The following UTP4 variants were observed in gnomAD, a reference collection of about 807,000 sequenced individuals.
UTP4 encodes U3 small nucleolar RNA-associated protein 4 homolog.
In UTP4, 45 loss-of-function variants were observed where a neutral mutation model predicts 82.4. The observed-to-expected ratio is 0.55, with a 90% CI of 0.43 to 0.70. The LOEUF (loss-of-function observed/expected upper bound fraction) is 0.70. Among genes scored for constraint, UTP4 ranks in the 30% least tolerant of loss-of-function variants. The pLI is 0.00. For missense variants in UTP4, 819 were observed against 858.3 expected (o/e 0.95, Z 0.57); for synonymous variants, 348 against 300.3 (o/e 1.16, Z -1.64).
intron 6 of UTP4, among the ~76,000 whole-genome samples, chr16:69,150,127 T>C (rs942532961): frequency 2.6e-5 from 4 of 152,228 alleles, no homozygotes; most frequent in Non-Finnish European, 5.9e-5. Flanking sequence ...TTTAATACAT[T>C]TCTTTAGTGA....
At chr16:69,165,737 G>C (rs942726179) in intron 15 of UTP4, 11 of 642,674 alleles carry the variant, frequency 1.7e-5, no homozygotes, top group Non-Finnish European at 2.2e-5. Context: ...GGCTCTCGGG[G>C]AAGGGGCTGG....
At chr16:69,167,388 T>C in intron 16 of UTP4, 1 of 579,910 alleles carries the variant, frequency 1.7e-6, no homozygotes, top group South Asian at 2.0e-5. Context: ...GGCAGGCACA[T>C]CATACTTAAC....
In UTP4 at chr16:69,147,023, C is replaced by A. The variant is rs866210564; in HGVS notation, c.739-3514C>A. On this transcript the variant is annotated intron_variant, in intron 6 of 16. Coordinates refer to ENST00000314423, the MANE Select transcript of UTP4 (RefSeq NM_032830.3). Reference sequence around the variant, plus strand: ...CCTCAAAAAAAAAAAAAAAAAAATACAAAAATTAGCCTGCATGGTGCTGCG... The same window carrying A: ...CCTCAAAAAAAAAAAAAAAAAAATAAAAAAATTAGCCTGCATGGTGCTGCG... Among the ~76,000 whole-genome samples, 534 of 117,656 alleles carry A rather than the reference C, an allele frequency of 4.5e-3. 8 individuals are homozygous for A. Among genetic ancestry groups the A allele is most frequent in the Non-Finnish European group, 7.3e-3 (396 of 54,596 alleles). The allele number at this position is 117,656 out of a possible 152,430, so 77.2% of individuals were successfully genotyped here. A position where few individuals can be genotyped will look rare whatever the true frequency, so the allele number is the denominator to read the frequency against.
intron 4 of UTP4, among the ~76,000 whole-genome samples, chr16:69,138,329 C>G (rs1355853543): frequency 6.6e-6 from 1 of 151,746 alleles, no homozygotes; most frequent in Non-Finnish European, 1.5e-5. Flanking sequence ...TCTCCGCCTC[C>G]CGGCTTCAAG....
chr16:69,167,059 G>C lies in UTP4; in HGVS notation c.1834-16G>C, dbSNP rs1222540927. On this transcript the variant is annotated splice_polypyrimidine_tract_variant and intron_variant, in intron 15 of 16. Transcript: ENST00000314423. ...ATAAAAGTAACCATTTAAACAATGT[G>C]TCTTTGTTTTTTTAGCCCCTTCCAA... is the stretch of plus-strand genomic sequence containing the variant. 2 of 1,549,216 alleles carry C rather than the reference G, an allele frequency of 1.3e-6. No individual in the cohort carries two copies. Among genetic ancestry groups the C allele is most frequent in the African/African-American group, 1.4e-5 (1 of 73,594 alleles).
At chr16:69,135,531 A>G (rs1280586740) in intron 2 of UTP4, among the ~76,000 whole-genome samples, 1 of 152,088 alleles carries the variant, frequency 6.6e-6, no homozygotes, top group Non-Finnish European at 1.5e-5. Context: ...TGGGCAACAT[A>G]GTGAGACCCC....
chr16:69,132,742 C>T (rs1009624378), intron 1 of UTP4, 53 bp downstream of exon 1: 2 of 245,354 alleles, frequency 8.2e-6, no homozygotes, highest in South Asian at 6.5e-5. Flanking sequence ...GGGGGTCTTA[C>T]AAGGTGGCCG....
chr16:69,139,839 C>G lies in UTP4; in HGVS notation c.451C>G (p.Leu151Val), dbSNP rs779087750. The G allele has an allele frequency of 6.2e-7, 1 of 1,613,612 alleles. No individual in the cohort carries two copies. Among genetic ancestry groups the G allele is most frequent in the Non-Finnish European group, 8.5e-7 (1 of 1,179,588 alleles). ...CAACTCCCAAGGTCGCATCCTGAGT[C>G]TCAGCTGGCATCCCTCTGGTACCCA... Reference protein sequence around the residue: ...FDRQKSRILSLSWHPSGTHIA... With the variant: ...FDRQKSRILSVSWHPSGTHIA... The change falls in exon 5 of 17, where the codon CTC (leucine) becomes GTC (valine). Residue 151 changes from leucine to valine, a missense_variant. Transcript: ENST00000314423.
Position 69,165,753 on chromosome 16 carries a change from G to C in UTP4, c.1833+227G>C. The C allele has an allele frequency of 4.9e-6, 3 of 614,532 alleles. No individual in the cohort carries two copies. In the South Asian group the frequency reaches 5.8e-5, roughly 12 times the overall value. 38.1% of individuals were successfully genotyped at this position (614,532 alleles called of 1,614,324 possible). On this transcript the variant is annotated intron_variant, in intron 15 of 16. Transcript: ENST00000314423. ...GCTCTCGGGGAAGGGGCTGGCCTTT[G>C]TATACTGGCTTTTGCTGATTTGACT...
chr16:69,144,231 T>C (rs1455625328), intron 6 of UTP4, among the ~76,000 whole-genome samples: 1 of 145,258 alleles, frequency 6.9e-6, no homozygotes, highest in Non-Finnish European at 1.5e-5. Flanking sequence ...AGACGGAGTC[T>C]AGCTCTGTCA....
rs761430427 is a variant in UTP4 at position 69,155,932 on chromosome 16, C to T, written c.1226C>T (p.Thr409Ile). ...TGTGGAAGTTGGATAGCCTATTCTACAGTTTCTCGGTTTTTTCTCTATCGG... is the reference window on the plus strand; with the variant it reads ...TGTGGAAGTTGGATAGCCTATTCTATAGTTTCTCGGTTTTTTCTCTATCGG... Reference protein sequence around the residue: ...SPCGSWIAYSTVSRFFLYRLN... With the variant: ...SPCGSWIAYSIVSRFFLYRLN... Residue 409 changes from threonine to isoleucine, a missense_variant, in exon 11 of 17, where the codon ACA (threonine) becomes ATA (isoleucine). Physicochemically the swap from Thr to Ile is moderately conservative, Grantham distance 89. Coordinates refer to ENST00000314423, the MANE Select transcript of UTP4 (RefSeq NM_032830.3). 3.7e-6 allele frequency: 6 copies of T among 1,613,996 alleles called. No individual in the cohort carries two copies. Among genetic ancestry groups the T allele is most frequent in the East Asian group, 2.2e-5 (1 of 44,880 alleles).
intron 6 of UTP4, among the ~76,000 whole-genome samples, chr16:69,149,802 T>C (rs1424435066): frequency 6.6e-6 from 1 of 152,056 alleles, no homozygotes; most frequent in African/African-American, 2.4e-5. Context: ...GATCTTGGCG[T>C]ACTGCAACCT....
chr16:69,144,243 C>G (rs866592489), intron 6 of UTP4, among the ~76,000 whole-genome samples: 2 of 151,436 alleles, frequency 1.3e-5, no homozygotes, highest in African/African-American at 2.4e-5. Context: ...GCTCTGTCAC[C>G]CAGGCTGGAG....
intron 2 of UTP4, among the ~76,000 whole-genome samples, chr16:69,135,262 T>G (rs1458328795): frequency 6.6e-6 from 1 of 152,140 alleles, no homozygotes; most frequent in African/African-American, 2.4e-5. Context: ...CCTTACCTAG[T>G]GTTCCTTATT....
intron 2 of UTP4, among the ~76,000 whole-genome samples, chr16:69,135,715 CA>C (rs533351803): frequency 2.0e-5 from 3 of 151,392 alleles, no homozygotes; most frequent in African/African-American, 7.3e-5. Context: ...GACCCTGTGT[CA>C]AAAAAAATAA....
At chr16:69,165,656 G>A in intron 15 of UTP4, 130 bp downstream of exon 15, 4 of 805,492 alleles carry the variant, frequency 5.0e-6, no homozygotes, top group Non-Finnish European at 8.4e-6. Flanking sequence ...CAGGTAGCTA[G>A]TACATTTCTT....
chr16:69,162,733 C>G (rs1020970121), intron 13 of UTP4, among the ~76,000 whole-genome samples: 2 of 116,740 alleles, frequency 1.7e-5, no homozygotes, highest in African/African-American at 3.2e-5. Flanking sequence ...AAAAGAAAAA[C>G]AAAAAATTAG....
intron 13 of UTP4, among the ~76,000 whole-genome samples, chr16:69,162,136 T>C (rs1469849877): frequency 6.6e-6 from 1 of 151,840 alleles, no homozygotes; most frequent in African/African-American, 2.4e-5. Context: ...CCCAGCTAAT[T>C]TTTTTAATTT....
Position 69,153,635 on chromosome 16 carries a change from G to A in UTP4, c.1054G>A (p.Ala352Thr). Residue 352 changes from alanine to threonine, a missense_variant, in exon 9 of 17, where the codon GCT becomes ACT. Physicochemically the swap from Ala to Thr is moderately conservative, Grantham distance 58. Transcript: ENST00000314423. ...GAGGCAGCTTCTCCTCTTCCAGTTT[G>A]CTCATCACTTAGAACTTTGGCGACT... Reference protein sequence around the residue: ...KKRQLLLFQFAHHLELWRLGS... With the variant: ...KKRQLLLFQFTHHLELWRLGS... 6.2e-7 allele frequency: 1 copy of A among 1,613,556 alleles called. No individual in the cohort carries two copies. The highest frequency in any genetic ancestry group is 8.5e-7 in the Non-Finnish European group (1 of 1,179,786).
Sources: gnomAD v4.1 joint callset for allele counts (sites outside exome capture counted in the v4.1 genomes callset) on GRCh38, gnomAD v4.1.1 for gene constraint, MANE v1.5 for transcripts, NCBI Gene and HGNC (gene_info 2026-07-23, HGNC 2026-07-21) for gene names.